Variants in RARS2 observed in about 807,000 individuals in gnomAD.
RARS2 encodes the protein arginyl-tRNA synthetase 2, mitochondrial.
Under a neutral mutation model 88.5 loss-of-function variants are expected in RARS2, and 67 were observed. That is an observed-to-expected ratio of 0.76 (90% CI 0.62 to 0.93). The LOEUF (loss-of-function observed/expected upper bound fraction) is 0.93. RARS2 is among the 40% of genes least tolerant of loss of function. The pLI is 0.00. For synonymous variants in RARS2, 239 were observed against 230.3 expected, an observed-to-expected ratio of 1.04 and a Z score of -0.34; for missense variants, 664 against 684.2, an observed-to-expected ratio of 0.97 and a Z score of 0.33.
intron 1 of RARS2, among the ~76,000 whole-genome samples, chr6:87,583,359 G>A (rs1180759668): frequency 1.3e-5 from 2 of 152,192 alleles, no homozygotes; most frequent in African/African-American, 4.8e-5. Flanking sequence ...CGAGGCCGAA[G>A]CATGCAGATC....
chr6:87,516,728 T>C, intron 18 of RARS2, 78 bp downstream of exon 18: 2 of 1,580,832 alleles, frequency 1.3e-6, no homozygotes, highest in Non-Finnish European at 1.7e-6. Flanking sequence ...GCCAAGGAAT[T>C]TGTTTACAGG....
intron 1 of RARS2, among the ~76,000 whole-genome samples, chr6:87,577,926 T>C (rs1772091550): frequency 6.6e-6 from 1 of 152,246 alleles, no homozygotes; most frequent in Non-Finnish European, 1.5e-5. Flanking sequence ...TCAATAATTT[T>C]TTGAACTGCA....
At chr6:87,516,742 C>A (rs1771872948) in intron 18 of RARS2, 64 bp downstream of exon 18, 2 of 1,595,500 alleles carry the variant, frequency 1.3e-6, no homozygotes, top group Admixed American at 3.4e-5. Flanking sequence ...TTACAGGAAA[C>A]CTTTAGATGA....
chr6:87,543,646 GA>G (rs879423380), intron 7 of RARS2, among the ~76,000 whole-genome samples: 43 of 132,828 alleles, frequency 3.2e-4, no homozygotes, highest in East Asian at 1.9e-3. Flanking sequence ...ATCTCAGAAA[GA>G]AAAAAAAAAA....
Position 87,516,884 on chromosome 6 carries a change from A to G in RARS2, c.1512-4T>C, listed in dbSNP as rs542159390. The stretch of plus-strand genomic sequence containing the variant: ...TTTATAAAGCACCTCGTCGAACCTA[A>G]AAGATGACAGGAACAGTGAACAGGA... On this transcript the variant is annotated splice_region_variant and splice_polypyrimidine_tract_variant and intron_variant, in intron 17 of 19. Coordinates refer to ENST00000369536, the MANE Select transcript of RARS2 (RefSeq NM_020320.5). 2.4e-5 allele frequency: 39 copies of G among 1,613,686 alleles called. No homozygotes were observed. The South Asian group carries it at 3.8e-4, about 16-fold the overall frequency.
intron 10 of RARS2, among the ~76,000 whole-genome samples, chr6:87,526,052 G>A (rs1345897140): frequency 6.6e-6 from 1 of 152,084 alleles, no homozygotes; most frequent in African/African-American, 2.4e-5. Flanking sequence ...TTAATGGATT[G>A]GAAAAATCAA....
At chr6:87,588,449 C>G (rs1298260981) in intron 1 of RARS2, among the ~76,000 whole-genome samples, 1 of 152,144 alleles carries the variant, frequency 6.6e-6, no homozygotes, top group Non-Finnish European at 1.5e-5. Flanking sequence ...CTCACTGTAG[C>G]TTCAAACTCG....
chr6:87,535,732 A>G (rs4707373), intron 8 of RARS2, among the ~76,000 whole-genome samples: 91,684 of 146,634 alleles, frequency 0.63, 29,712 homozygotes, highest in African/African-American at 0.81. Context: ...GCTGGAGTGC[A>G]GTGGTGTGAT....
intron 4 of RARS2, among the ~76,000 whole-genome samples, chr6:87,557,233 T>G (rs746584032): frequency 1.3e-5 from 2 of 152,178 alleles, no homozygotes; most frequent in African/African-American, 2.4e-5. Context: ...CACAAGGACG[T>G]AGAGAAAATA....
chr6:87,545,001 T>TA (rs1447874900), intron 7 of RARS2, among the ~76,000 whole-genome samples: 8 of 152,210 alleles, frequency 5.3e-5, no homozygotes, highest in Admixed American at 3.9e-4. Context: ...TGTACACAGT[T>TA]AGACTTACTT....
intron 19 of RARS2, 76 bp from the exon 20 acceptor site, chr6:87,514,575 G>C: frequency 1.6e-6 from 2 of 1,272,772 alleles, no homozygotes; most frequent in Non-Finnish European, 2.3e-6. Context: ...TGGTTTTAAA[G>C]GTTATTCTTT....
chr6:87,526,460 G>A (rs1582354535), intron 10 of RARS2, among the ~76,000 whole-genome samples: 1 of 151,668 alleles, frequency 6.6e-6, no homozygotes, highest in African/African-American at 2.4e-5. Context: ...AGGTTGTAGT[G>A]AGCCAAGAAA....
At chr6:87,569,703 A>C in intron 1 of RARS2, 113 bp from the exon 2 acceptor site, 1 of 813,488 alleles carries the variant, frequency 1.2e-6, no homozygotes, top group Non-Finnish European at 2.1e-6. Context: ...ATGAGCTCCA[A>C]ATGCATTCCA....
chr6:87,515,960 A>AG (rs1554169697), intron 18 of RARS2: 1 of 30,358 alleles, frequency 3.3e-5, no homozygotes, highest in African/African-American at 1.9e-4. Flanking sequence ...AAAAAAAAGA[A>AG]AAAAAAAAAA....
chr6:87,555,171 A>C (rs1052876072), intron 5 of RARS2, among the ~76,000 whole-genome samples: 2 of 151,786 alleles, frequency 1.3e-5, no homozygotes, highest in Non-Finnish European at 1.5e-5. Context: ...TCTTCCAAAA[A>C]AGTAATTGTT....
In RARS2 at chr6:87,529,659, T is replaced by G. The variant is rs1374037106; in HGVS notation, c.772-11A>C. The G allele has an allele frequency of 4.5e-6, 7 of 1,562,822 alleles. No individual in the cohort carries two copies. Among genetic ancestry groups the G allele is most frequent in the Non-Finnish European group, 6.2e-6 (7 of 1,133,514 alleles). ...ATATACTCCCAGACGCTAAAAGAGT[T>G]CAGAAACAAAAAGACAAAGAAATGT... On this transcript the variant is annotated splice_polypyrimidine_tract_variant and intron_variant, in intron 9 of 19. Transcript: ENST00000369536.
chr6:87,537,110 A>C (rs574728211), intron 8 of RARS2, among the ~76,000 whole-genome samples: 2 of 152,234 alleles, frequency 1.3e-5, no homozygotes, highest in Non-Finnish European at 2.9e-5. Flanking sequence ...ATTATAGTGC[A>C]ATTTAGAGAA....
intron 4 of RARS2, among the ~76,000 whole-genome samples, chr6:87,560,098 T>C (rs961534184): frequency 6.6e-6 from 1 of 152,220 alleles, no homozygotes; most frequent in Non-Finnish European, 1.5e-5. Flanking sequence ...TCTATGAATG[T>C]ATCCCATTGT....
rs773928698 is a variant in RARS2 at position 87,589,966 on chromosome 6, C to T, written c.-9G>A. 3 of 1,614,248 alleles carry T rather than the reference C, an allele frequency of 1.9e-6. No individual in the cohort carries two copies. Among genetic ancestry groups the T allele is most frequent in the Non-Finnish European group, 1.7e-6 (2 of 1,180,038 alleles). On this transcript the variant is annotated 5_prime_UTR_variant, in exon 1 of 20. Transcript: ENST00000369536. ...CGAAAGCCGCACGCCATGTCCACCT[C>T]TACGGAAGTGCGCCGCAGTCCGCCA... is the stretch of plus-strand genomic sequence containing the variant.
Sources: gnomAD v4.1 joint callset for allele counts (sites outside exome capture counted in the v4.1 genomes callset) on GRCh38, gnomAD v4.1.1 for gene constraint, MANE v1.5 for transcripts, NCBI Gene and HGNC (gene_info 2026-07-23, HGNC 2026-07-21) for gene names.